Variants in RGS20 observed in about 807,000 individuals in gnomAD.
RGS20 encodes the protein gz-selective GTPase-activating protein.
In RGS20, 30 loss-of-function variants were observed where a neutral mutation model predicts 33.6. That is an observed-to-expected ratio of 0.89 (90% CI 0.67 to 1.21). RGS20 has a LOEUF of 1.21. Ranked by LOEUF, RGS20 falls within the 50% of genes most tolerant of loss-of-function variation. The probability of loss-of-function intolerance (pLI) is 0.00; values close to 1 mark genes in which losing one functional copy is unlikely to be tolerated. For missense variants in RGS20, 472 were observed against 502.4 expected (o/e 0.94, Z 0.58); for synonymous variants, 208 against 197.9 (o/e 1.05, Z -0.43).
In RGS20 at chr8:53,944,410, C is replaced by T. The variant is rs567196911; in HGVS notation, c.660-2255C>T. Among the ~76,000 whole-genome samples, 98 of 151,892 alleles carry T rather than the reference C, an allele frequency of 6.5e-4. No homozygotes were observed. In the East Asian group the frequency reaches 0.016, roughly 24 times the overall value. On this transcript the variant is annotated intron_variant, in intron 3 of 5. Transcript: ENST00000297313. ...AAAATTAGCTGGGTGTGGTGGTGCG[C>T]GCCTGTAGTCCCAGCTACTCAGGAG...
rs1048719207 is a variant in RGS20 at position 53,867,945 on chromosome 8, A to G, written c.166-11313A>G. 1.9e-4 allele frequency among the ~76,000 whole-genome samples: 29 copies of G among 152,186 alleles called. 1 individual carries two copies. The East Asian group carries it at 5.0e-3, about 26-fold the overall frequency. On this transcript the variant is annotated intron_variant, in intron 1 of 5. Transcript: ENST00000297313. ...TTGCCACATTGCCCAGGCTGGTCTC[A>G]AATGCCTCTGCTCAAAAGATCTGCC...
chr8:53,932,493 A>G (rs1814001440), intron 2 of RGS20, among the ~76,000 whole-genome samples: 1 of 152,210 alleles, frequency 6.6e-6, no homozygotes, highest in South Asian at 2.1e-4. Context: ...CCCCTCACAC[A>G]GTGTAAACAA....
chr8:53,871,635 AT>A (rs1288460246), intron 1 of RGS20, among the ~76,000 whole-genome samples: 1 of 152,002 alleles, frequency 6.6e-6, no homozygotes, highest in Non-Finnish European at 1.5e-5. Context: ...AATAATAATA[AT>A]AATAATTACA....
At chr8:53,947,071 T>C (rs945261877) in intron 4 of RGS20, among the ~76,000 whole-genome samples, 5 of 147,368 alleles carry the variant, frequency 3.4e-5, no homozygotes, top group African/African-American at 1.2e-4. Flanking sequence ...TAATTTTATA[T>C]AAGATATAGC....
intron 2 of RGS20, among the ~76,000 whole-genome samples, chr8:53,915,963 G>A (rs1222675997): frequency 2.0e-5 from 3 of 151,962 alleles, no homozygotes; most frequent in African/African-American, 7.3e-5. Context: ...CTTCCCCTTG[G>A]GGTCTACTTT....
chr8:53,927,376 A>G (rs1278866151), intron 2 of RGS20, among the ~76,000 whole-genome samples: 3 of 151,496 alleles, frequency 2.0e-5, no homozygotes, highest in African/African-American at 7.3e-5. Context: ...GCTAATTTTC[A>G]TATTTTTGTG....
chr8:53,940,078 T>C (rs1404114614), intron 3 of RGS20, among the ~76,000 whole-genome samples: 2 of 152,200 alleles, frequency 1.3e-5, no homozygotes, highest in Non-Finnish European at 2.9e-5. Flanking sequence ...GGATCTAAGA[T>C]AGGTCTTAAA....
intron 2 of RGS20, among the ~76,000 whole-genome samples, chr8:53,912,613 T>A (rs1264688122): frequency 1.3e-5 from 2 of 152,168 alleles, no homozygotes; most frequent in Non-Finnish European, 2.9e-5. Flanking sequence ...ATACCAATAT[T>A]TTTCTAAATT....
rs1814937078 is a variant in RGS20, at chr8:53,958,379, ACTCATATC to A, written c.1092_1099del (p.Tyr365IlefsTer8). The A allele has an allele frequency of 1.2e-6, 2 of 1,613,434 alleles. No individual in the cohort carries two copies. The highest frequency in any genetic ancestry group is 1.7e-6 in the Non-Finnish European group (2 of 1,179,682). On this transcript the variant is annotated frameshift_variant, in exon 6 of 6. Transcript: ENST00000297313. LOFTEE classifies it high-confidence loss of function. ...CAGATTTACACCCTGATGCACAGAG[ACTCATATC>A]CTCGATTCATGAACTCTGCTGTCTA...
chr8:53,939,522 C>A, intron 2 of RGS20, 54 bp from the exon 2 acceptor site: 1 of 1,427,908 alleles, frequency 7.0e-7, no homozygotes. Context: ...TGGGCTTACG[C>A]CTTCATAACG....
intron 2 of RGS20, among the ~76,000 whole-genome samples, chr8:53,909,227 A>G (rs1037499616): frequency 1.3e-4 from 16 of 123,932 alleles, no homozygotes; most frequent in South Asian, 1.0e-3. Context: ...ATATATATAT[A>G]TATATATATA....
intron 1 of RGS20, among the ~76,000 whole-genome samples, chr8:53,862,038 G>T (rs1811819942): frequency 6.6e-6 from 1 of 152,074 alleles, no homozygotes; most frequent in Admixed American, 6.6e-5. Context: ...GGTGAGGAGG[G>T]TGTGAGGAAC....
At chr8:53,930,965 T>C (rs1427786426) in intron 2 of RGS20, among the ~76,000 whole-genome samples, 1 of 152,126 alleles carries the variant, frequency 6.6e-6, no homozygotes, top group African/African-American at 2.4e-5. Flanking sequence ...AGTGAAACCA[T>C]GGTTAGGCTA....
intron 1 of RGS20, among the ~76,000 whole-genome samples, chr8:53,872,621 T>TC (rs1249833382): frequency 6.6e-6 from 1 of 152,066 alleles, no homozygotes; most frequent in Non-Finnish European, 1.5e-5. Context: ...CTCTTTCTAC[T>TC]CCCCCATGTC....
At chr8:53,946,867 C>T in intron 4 of RGS20, 119 bp downstream of exon 3, 1 of 769,148 alleles carries the variant, frequency 1.3e-6, no homozygotes, top group South Asian at 2.1e-5. Flanking sequence ...TTAGTAATAT[C>T]CAATCATTAT....
intron 4 of RGS20, among the ~76,000 whole-genome samples, chr8:53,952,935 C>A (rs1473653412): frequency 4.6e-5 from 7 of 152,024 alleles, no homozygotes; most frequent in Admixed American, 4.6e-4. Flanking sequence ...AGGACAAAGC[C>A]AAGAGACAGT....
rs1355736860 is a variant in RGS20 at position 53,877,987 on chromosome 8, C to T, written c.166-1271C>T. 4.6e-5 allele frequency among the ~76,000 whole-genome samples: 7 copies of T among 152,206 alleles called. No individual in the cohort carries two copies. The South Asian group carries it at 1.2e-3, about 27-fold the overall frequency. ...AGGCCCACGAGGCCGCTCGCGACCG[C>T]TCCCGCCTTCAGGACCCTGGAGAGC... On this transcript the variant is annotated intron_variant, in intron 1 of 5. Coordinates refer to ENST00000297313, the MANE Select transcript of RGS20 (RefSeq NM_170587.4). The surrounding 1 kb of genome is among the most constrained non-coding windows in gnomAD (Gnocchi z 5.7).
chr8:53,892,838 C>T lies in RGS20; in HGVS notation c.510+13236C>T, dbSNP rs191033988. Among the ~76,000 whole-genome samples the T allele has an allele frequency of 2.1e-4, 32 of 152,206 alleles. No homozygotes were observed. In the East Asian group the frequency reaches 6.0e-3, roughly 28 times the overall value. ...TATTTGGTACAGTTTCTAAAATTTT[C>T]ACCATTTGAACAATGTTCTTTTAAA... On this transcript the variant is annotated intron_variant, in intron 2 of 5. Coordinates refer to ENST00000297313, the MANE Select transcript of RGS20 (RefSeq NM_170587.4).
chr8:53,882,492 C>T (rs931458547), intron 2 of RGS20, among the ~76,000 whole-genome samples: 1 of 152,122 alleles, frequency 6.6e-6, no homozygotes, highest in Non-Finnish European at 1.5e-5. Flanking sequence ...GGGCGATGCA[C>T]GGAGTGGAGA....
Sources: gnomAD v4.1 joint callset for allele counts (sites outside exome capture counted in the v4.1 genomes callset) on GRCh38, gnomAD v4.1.1 for gene constraint, Gnocchi (gnomAD v3.1) non-coding constraint, MANE v1.5 for transcripts, NCBI Gene and HGNC (gene_info 2026-07-23, HGNC 2026-07-21) for gene names.